STK39: variants seen among roughly 807,000 people sequenced by gnomAD.
STK39 encodes the protein STE20/SPS1-related proline-alanine-rich protein kinase.
A neutral mutation model predicts 77.8 loss-of-function variants in STK39; 20 were observed. The ratio of observed to expected loss-of-function variants is 0.26; its 90% CI spans 0.18 to 0.37. The LOEUF (loss-of-function observed/expected upper bound fraction) is 0.37. Ranked by LOEUF, STK39 falls within the 10% of genes least tolerant of loss-of-function variation. The pLI, the probability that STK39 is intolerant of heterozygous loss-of-function variation, is 1.00. For missense variants in STK39, 479 were observed against 656.5 expected (o/e 0.73, Z 2.95); for synonymous variants, 246 against 234.1 (o/e 1.05, Z -0.47).
intron 8 of STK39, among the ~76,000 whole-genome samples, chr2:168,131,976 T>A (rs1194073081): frequency 6.6e-6 from 1 of 152,066 alleles, no homozygotes; most frequent in Non-Finnish European, 1.5e-5. Context: ...ACATAAATAA[T>A]CCTCCAACAA....
At chr2:168,179,327 C>T (rs1020215405) in intron 2 of STK39, among the ~76,000 whole-genome samples, 1 of 152,174 alleles carries the variant, frequency 6.6e-6, no homozygotes, top group African/African-American at 2.4e-5. Flanking sequence ...GTGCTCCACA[C>T]GATCTCATGT....
chr2:168,156,334 T>C (rs1688427472), intron 5 of STK39, among the ~76,000 whole-genome samples: 2 of 152,160 alleles, frequency 1.3e-5, no homozygotes, highest in Admixed American at 6.5e-5. Flanking sequence ...TCATCTGCCA[T>C]TAGTAGGAAG....
intron 1 of STK39, among the ~76,000 whole-genome samples, chr2:168,244,538 T>C (rs1412346905): frequency 6.6e-6 from 1 of 152,244 alleles, no homozygotes; most frequent in Non-Finnish European, 1.5e-5. Context: ...CTGGCATTCA[T>C]GTTGAAACTG....
At chr2:168,156,079 C>T (rs1688421582) in intron 5 of STK39, among the ~76,000 whole-genome samples, 1 of 152,188 alleles carries the variant, frequency 6.6e-6, no homozygotes, top group African/African-American at 2.4e-5. Flanking sequence ...AGTGCTGTGT[C>T]ATAGGCTAGC....
intron 1 of STK39, among the ~76,000 whole-genome samples, chr2:168,222,707 G>A (rs1468186250): frequency 6.6e-6 from 1 of 152,142 alleles, no homozygotes; most frequent in Admixed American, 6.5e-5. Flanking sequence ...TTACCCTATA[G>A]GAGGTGCTTA....
chr2:168,122,945 ATACTTGTGTT>A (rs1271946531), intron 10 of STK39, among the ~76,000 whole-genome samples: 1 of 152,242 alleles, frequency 6.6e-6, no homozygotes. Context: ...TTAAGAAGTG[ATACTTGTGTT>A]TACAATAAAG....
chr2:168,118,682 G>C (rs1308252896), intron 10 of STK39, among the ~76,000 whole-genome samples: 2 of 150,116 alleles, frequency 1.3e-5, no homozygotes, highest in South Asian at 2.1e-4. Context: ...TTTCCCCCTT[G>C]CTCTTTCCTC....
chr2:167,996,988 C>G (rs1332887504), intron 16 of STK39, among the ~76,000 whole-genome samples: 3 of 150,714 alleles, frequency 2.0e-5, no homozygotes, highest in African/African-American at 7.3e-5. Flanking sequence ...GAAAACTAAA[C>G]CAGGAGGTAA....
At chr2:168,246,552 G>A (rs1341432652) in intron 1 of STK39, among the ~76,000 whole-genome samples, 2 of 152,212 alleles carry the variant, frequency 1.3e-5, no homozygotes, top group African/African-American at 4.8e-5. Flanking sequence ...CGGACTGGGC[G>A]GCAGGCGGCG....
intron 14 of STK39, among the ~76,000 whole-genome samples, chr2:168,045,612 G>A (rs868339487): frequency 9.2e-5 from 14 of 152,124 alleles, no homozygotes; most frequent in Middle Eastern, 3.2e-3. Flanking sequence ...TTCAATAGAC[G>A]TACAGAAGAA....
intron 10 of STK39, among the ~76,000 whole-genome samples, chr2:168,114,003 A>T (rs960900513): frequency 6.6e-6 from 1 of 152,258 alleles, no homozygotes; most frequent in South Asian, 2.1e-4. Flanking sequence ...GTAACTGTTT[A>T]AAAAATACAC....
chr2:168,186,834 T>C (rs1437644402), intron 1 of STK39, among the ~76,000 whole-genome samples: 1 of 152,168 alleles, frequency 6.6e-6, no homozygotes, highest in Non-Finnish European at 1.5e-5. Context: ...GGGTCAGAAC[T>C]GAGTTTCATT....
chr2:168,212,075 T>A (rs1025252458), intron 1 of STK39, among the ~76,000 whole-genome samples: 1 of 152,224 alleles, frequency 6.6e-6, no homozygotes, highest in Non-Finnish European at 1.5e-5. Flanking sequence ...AAAAAATATC[T>A]CATCCAGTCA....
chr2:168,095,312 T>C (rs17177700), intron 10 of STK39, among the ~76,000 whole-genome samples: 17,170 of 152,258 alleles, frequency 0.11, 1,273 homozygotes, highest in Non-Finnish European at 0.17. Flanking sequence ...CATTTTTTCA[T>C]GCAAGCTTTA....
At chr2:168,247,195 C>T in intron 1 of STK39, 33 bp downstream of exon 1, 2 of 1,171,378 alleles carry the variant, frequency 1.7e-6, no homozygotes, top group Admixed American at 4.6e-5. Context: ...GGCGCCCGGC[C>T]TGTGCCGGCC....
chr2:168,139,338 C>G (rs551520681), intron 7 of STK39, among the ~76,000 whole-genome samples: 135 of 151,682 alleles, frequency 8.9e-4, no homozygotes, highest in Admixed American at 2.0e-3. Context: ...AAATTTTCTG[C>G]TAGCAAAATC....
chr2:168,056,219 T>C (rs1188395736), intron 14 of STK39, among the ~76,000 whole-genome samples: 3 of 151,992 alleles, frequency 2.0e-5, no homozygotes, highest in Non-Finnish European at 4.4e-5. Flanking sequence ...AATAAATAAA[T>C]AGTGGAGAAA....
At chr2:168,054,620 AC>A (rs1452138660) in intron 14 of STK39, among the ~76,000 whole-genome samples, 1 of 152,224 alleles carries the variant, frequency 6.6e-6, no homozygotes, top group African/African-American at 2.4e-5. Flanking sequence ...TTAATTTGGT[AC>A]CCACGTAATA....
intron 14 of STK39, among the ~76,000 whole-genome samples, chr2:168,040,781 T>C (rs1006054730): frequency 3.3e-5 from 5 of 152,200 alleles, no homozygotes; most frequent in Non-Finnish European, 5.9e-5. Flanking sequence ...ACCCATAACA[T>C]TGAAACTATC....
Sources: gnomAD v4.1 joint callset for allele counts (sites outside exome capture counted in the v4.1 genomes callset) on GRCh38, gnomAD v4.1.1 for gene constraint, MANE v1.5 for transcripts, NCBI Gene and HGNC (gene_info 2026-07-23, HGNC 2026-07-21) for gene names.